BNIP2: variants seen among roughly 807,000 people sequenced by gnomAD.
The protein encoded by BNIP2 is BCL2 interacting protein 2, also known as BCL2/adenovirus E1B 19 kDa protein-interacting protein 2.
Under a neutral mutation model 43.4 loss-of-function variants are expected in BNIP2, and 36 were observed. The ratio of observed to expected loss-of-function variants is 0.83; its 90% CI spans 0.64 to 1.10. The LOEUF is 1.10. Ranked by LOEUF, BNIP2 falls within the 50% of genes least tolerant of loss-of-function variation. BNIP2 has a pLI of 0.00. For missense variants in BNIP2, 417 were observed against 374.1 expected, an observed-to-expected ratio of 1.11 and a Z score of -0.95; for synonymous variants, 146 against 121.0, an observed-to-expected ratio of 1.21 and a Z score of -1.35.
chr15:59,667,086 T>C (rs1309592924), intron 9 of BNIP2, among the ~76,000 whole-genome samples: 3 of 152,210 alleles, frequency 2.0e-5, no homozygotes, highest in Admixed American at 2.0e-4. Flanking sequence ...CAGCAATGCC[T>C]AGAAAGGAAT....
Position 59,671,216 on chromosome 15 carries a change from C to T in BNIP2, c.674G>A (p.Trp225Ter). 6.2e-7 allele frequency: 1 copy of T among 1,601,962 alleles called. No homozygotes were observed. Among genetic ancestry groups the T allele is most frequent in the Non-Finnish European group, 8.5e-7 (1 of 1,173,412 alleles). ...AATTTGCTGATAACATTTCCTGAGC[C>T]ATCCCAGACTGGGCATTTTTCTTCG... ...TTRRKMPSLG[W>*]LRKCYQQIDR... The change falls in exon 7 of 10, where the codon TGG becomes TAG. Residue 225 changes from tryptophan (W) to a stop codon, truncating the protein, a stop_gained. Coordinates refer to ENST00000607373, the MANE Select transcript of BNIP2 (RefSeq NM_004330.4). LOFTEE classifies it high-confidence loss of function.
At chr15:59,668,050 C>G in intron 9 of BNIP2, 1 of 1,172,090 alleles carries the variant, frequency 8.5e-7, no homozygotes, top group Non-Finnish European at 1.1e-6. Flanking sequence ...AAGAGTTAGT[C>G]TGCAATGCAA....
rs1462168398 is a variant in BNIP2 at position 59,661,351 on chromosome 15, A to G, written c.*2718T>C. The G allele has an allele frequency of 3.6e-5, 5 of 137,218 alleles. No individual in the cohort carries two copies. The highest frequency in any genetic ancestry group is 1.3e-4 in the African/African-American group (5 of 38,138). 8.5% of individuals were successfully genotyped at this position (137,218 alleles called of 1,614,324 possible). On this transcript the variant is annotated 3_prime_UTR_variant, in exon 10 of 10. Transcript: ENST00000607373. ...TCTCCAAAAAAAAAAAAAAAAAAAG[A>G]GAGGGCACACATACAGTGGCATCTT...
At chr15:59,664,628 G>A (rs1345429285) in intron 9 of BNIP2, among the ~76,000 whole-genome samples, 1 of 152,102 alleles carries the variant, frequency 6.6e-6, no homozygotes, top group Non-Finnish European at 1.5e-5. Context: ...TGATCTGCCT[G>A]CCTCAGCCTC....
chr15:59,672,008 C>A (rs1347805910), intron 6 of BNIP2, among the ~76,000 whole-genome samples: 1 of 152,142 alleles, frequency 6.6e-6, no homozygotes, highest in African/African-American at 2.4e-5. Flanking sequence ...CCCGTGAGGT[C>A]AAGGCTGCAG....
intron 3 of BNIP2, 87 bp downstream of exon 3, chr15:59,680,154 G>GTT (rs373856422): frequency 9.6e-3 from 7,642 of 798,580 alleles, no homozygotes; most frequent in South Asian, 0.02. Context: ...AAAAACTCAA[G>GTT]TTTTTTTTTT....
In BNIP2 at chr15:59,679,825, T is replaced by C. The variant is rs2307274; in HGVS notation, c.119-57A>G. The C allele has an allele frequency of 5.3e-3, 7,182 of 1,366,772 alleles. 312 individuals are homozygous for C. In the African/African-American group the frequency reaches 0.093, roughly 18 times the overall value. The allele number at this position is 1,366,772 out of a possible 1,614,324, so 84.7% of individuals were successfully genotyped here. ...AACAAGGAATGCTTAGATGCTAAAG[T>C]TGAATAAGAAAAATTTTAACTACCC... On this transcript the variant is annotated intron_variant, in intron 3 of 9. Transcript: ENST00000607373.
chr15:59,689,164 C>T lies in BNIP2; in HGVS notation c.-87G>A. On this transcript the variant is annotated 5_prime_UTR_variant, in exon 1 of 10. Coordinates refer to ENST00000607373, the MANE Select transcript of BNIP2 (RefSeq NM_004330.4). ...GAGGAAGCCTTGGCCCCCTCGTCCT[C>T]TTCGCCCCTCCAGGCCGGCGACGTG... The T allele has an allele frequency of 6.5e-7, 1 of 1,538,308 alleles. No individual in the cohort carries two copies. Among genetic ancestry groups the T allele is most frequent in the Non-Finnish European group, 8.7e-7 (1 of 1,146,482 alleles).
chr15:59,686,218 C>A (rs1257654222), intron 1 of BNIP2, among the ~76,000 whole-genome samples: 1 of 152,140 alleles, frequency 6.6e-6, no homozygotes, highest in East Asian at 1.9e-4. Flanking sequence ...GCAGCTTTCC[C>A]CAGGCAGTTT....
chr15:59,668,552 G>T (rs1161852856), intron 9 of BNIP2, among the ~76,000 whole-genome samples: 1 of 152,170 alleles, frequency 6.6e-6, no homozygotes, highest in Non-Finnish European at 1.5e-5. Flanking sequence ...ACTCAAATTT[G>T]TTGAGCACTA....
rs1239722011 is a variant in BNIP2 at position 59,678,488 on chromosome 15, G to A, written c.296-401C>T. Reference sequence around the variant, plus strand: ...AAGTAGCTATCTGGGAGCCAATTTTGTTGTTGTTGAGCACATAAATTAACT... The same window carrying A: ...AAGTAGCTATCTGGGAGCCAATTTTATTGTTGTTGAGCACATAAATTAACT... On this transcript the variant is annotated intron_variant, in intron 4 of 9. Transcript: ENST00000607373. The A allele has an allele frequency of 4.7e-6, 5 of 1,063,726 alleles. No individual in the cohort carries two copies. The African/African-American group carries it at 5.1e-5, about 11-fold the overall frequency. 65.9% of individuals were successfully genotyped at this position (1,063,726 alleles called of 1,614,324 possible).
At position 59,680,233 on chromosome 15, in the gene BNIP2, G is replaced by A. The variant is rs748052939; in HGVS notation, c.118+8C>T. 1 of 1,565,058 alleles carries A rather than the reference G, an allele frequency of 6.4e-7. No homozygotes were observed. Among genetic ancestry groups the A allele is most frequent in the South Asian group, 1.2e-5 (1 of 83,580 alleles). ...TAATTTCAATGAAAGTAAGTGTCAA[G>A]CTCTTACCAGGCTGGTCCTCTGGTC... is the stretch of plus-strand genomic sequence containing the variant. On this transcript the variant is annotated splice_region_variant and intron_variant, in intron 3 of 9. Transcript: ENST00000607373.
chr15:59,688,329 A>G (rs1309365072), intron 1 of BNIP2, among the ~76,000 whole-genome samples: 1 of 152,234 alleles, frequency 6.6e-6, no homozygotes, highest in African/African-American at 2.4e-5. Context: ...TGTTAGAAAA[A>G]CTACATTTAA....
At chr15:59,665,609 C>T (rs1892525235) in intron 9 of BNIP2, among the ~76,000 whole-genome samples, 1 of 151,426 alleles carries the variant, frequency 6.6e-6, no homozygotes. Context: ...GACCCTGTCT[C>T]AAAAAAACAA....
At chr15:59,669,493 C>A (rs1423150288) in intron 7 of BNIP2, 131 bp from the exon 8 acceptor site, 3 of 568,074 alleles carry the variant, frequency 5.3e-6, no homozygotes, top group Non-Finnish European at 8.9e-6. Context: ...TGTGATACCC[C>A]TGTAGACAAG....
rs536149898 is a variant in BNIP2, at chr15:59,677,441, T to A, written c.472+470A>T. 4.8e-6 allele frequency: 7 copies of A among 1,443,502 alleles called. No homozygotes were observed. The African/African-American group carries it at 7.2e-5, about 15-fold the overall frequency. The allele number at this position is 1,443,502 out of a possible 1,614,324, so 89.4% of individuals were successfully genotyped here. Reference sequence around the variant, plus strand: ...ACAGTCCTAGGAACCATTATGGATATAGTGCATCTCAGAGCCATAGAGCAG... The same window carrying A: ...ACAGTCCTAGGAACCATTATGGATAAAGTGCATCTCAGAGCCATAGAGCAG... On this transcript the variant is annotated intron_variant, in intron 5 of 9. Coordinates refer to ENST00000607373, the MANE Select transcript of BNIP2 (RefSeq NM_004330.4).
Position 59,668,996 on chromosome 15 carries a change from GAAGA to G in BNIP2, c.795-10_795-7del. The G allele has an allele frequency of 6.2e-7, 1 of 1,607,548 alleles. No homozygotes were observed. The highest frequency in any genetic ancestry group is 8.5e-7 in the Non-Finnish European group (1 of 1,175,182). ...TTTTTTGGCTGAATTTCGAGCTATGGAAGAAAATAAAAATAATTACTTCCATATT... is the reference window on the plus strand; with the variant it reads ...TTTTTTGGCTGAATTTCGAGCTATGGAAATAAAAATAATTACTTCCATATT... On this transcript the variant is annotated splice_polypyrimidine_tract_variant and splice_region_variant and intron_variant, in intron 8 of 9. Transcript: ENST00000607373.
chr15:59,689,241 C>T lies in BNIP2; in HGVS notation c.-164G>A, dbSNP rs1037323397. ...AGGGCCGAGCGGAGCCCGCTCCCCT[C>T]GGTCGGCGGTGGAGACCCCGGCCCA... On this transcript the variant is annotated 5_prime_UTR_variant, in exon 1 of 10. Transcript: ENST00000607373. 1.2e-5 allele frequency: 18 copies of T among 1,542,558 alleles called. No individual in the cohort carries two copies. The highest frequency in any genetic ancestry group is 1.6e-5 in the Non-Finnish European group (18 of 1,146,212).
intron 9 of BNIP2, among the ~76,000 whole-genome samples, chr15:59,664,445 A>C (rs1892446905): frequency 6.6e-6 from 1 of 152,018 alleles, no homozygotes; most frequent in East Asian, 1.9e-4. Flanking sequence ...GCAGTGGCAC[A>C]ATCTCAGCTC....
Sources: allele counts gnomAD v4.1 joint callset (sites outside exome capture counted in the v4.1 genomes callset), GRCh38; gene constraint gnomAD v4.1.1; transcripts MANE v1.5; gene names NCBI Gene and HGNC (gene_info 2026-07-23, HGNC 2026-07-21).